Variants in ACTR3C observed in about 807,000 individuals in gnomAD.
ACTR3C encodes the protein actin related protein 3C, also known as actin-related protein 3C.
A neutral mutation model predicts 26.3 loss-of-function variants in ACTR3C; 18 were observed. That is an observed-to-expected ratio of 0.68 (90% CI 0.47 to 1.01). ACTR3C has a LOEUF of 1.01. Among genes scored for constraint, ACTR3C ranks in the 50% least tolerant of loss-of-function variants. ACTR3C has a pLI of 0.00. For missense variants in ACTR3C, 184 were observed against 250.7 expected, an observed-to-expected ratio of 0.73 and a Z score of 1.80; for synonymous variants, 55 against 94.5, an observed-to-expected ratio of 0.58 and a Z score of 2.42.
At chr7:150,195,753 C>G in the ACTR3C span, among the ~76,000 whole-genome samples, 1 of 152,166 alleles carries the variant, frequency 6.6e-6, no homozygotes, top group African/African-American at 2.4e-5. Flanking sequence ...GTGGCACATG[C>G]CTGTAATAGC....
chr7:150,033,734 G>A, the ACTR3C span, among the ~76,000 whole-genome samples: 6 of 151,054 alleles, frequency 4.0e-5, no homozygotes, highest in Non-Finnish European at 8.9e-5. Context: ...AGAGGGGATA[G>A]CTCTCAGTCC....
chr7:150,179,471 T>C, the ACTR3C span, among the ~76,000 whole-genome samples: 4 of 146,990 alleles, frequency 2.7e-5, no homozygotes, highest in Admixed American at 6.7e-5. Flanking sequence ...AATGCCTACA[T>C]AAACCACAGT....
the ACTR3C span, among the ~76,000 whole-genome samples, chr7:150,175,096 C>G: frequency 7.1e-6 from 1 of 140,958 alleles, no homozygotes; most frequent in Admixed American, 6.7e-5. Flanking sequence ...GTGAAAGAAA[C>G]AAATAATGAA....
At chr7:150,212,783 C>T in the ACTR3C span, among the ~76,000 whole-genome samples, 23 of 152,084 alleles carry the variant, frequency 1.5e-4, 1 homozygote, top group African/African-American at 2.4e-5. Context: ...CCCTTCACTG[C>T]GTGCTCAGAT....
At chr7:150,211,135 G>C in the ACTR3C span, among the ~76,000 whole-genome samples, 1 of 148,626 alleles carries the variant, frequency 6.7e-6, no homozygotes, top group Non-Finnish European at 1.5e-5. Flanking sequence ...TAAAGGACTT[G>C]CTGGAGGTCA....
chr7:150,127,141 C>G, the ACTR3C span, among the ~76,000 whole-genome samples: 18 of 4,016 alleles, frequency 4.5e-3, no homozygotes, highest in Middle Eastern at 0.1. Context: ...TACCATTAGA[C>G]ACACACACAC....
At chr7:149,926,510 A>C in the ACTR3C span, among the ~76,000 whole-genome samples, 1 of 152,228 alleles carries the variant, frequency 6.6e-6, no homozygotes, top group Non-Finnish European at 1.5e-5. Context: ...CTGCATGACA[A>C]GTCCCCAGTG....
the ACTR3C span, among the ~76,000 whole-genome samples, chr7:150,042,261 GT>G: frequency 9.3e-5 from 3 of 32,354 alleles, no homozygotes; most frequent in African/African-American, 1.5e-4. Context: ...CACCCTTGCG[GT>G]GGGTGCCTCC....
the ACTR3C span, among the ~76,000 whole-genome samples, chr7:150,146,303 T>C: frequency 6.6e-6 from 1 of 152,320 alleles, no homozygotes; most frequent in East Asian, 1.9e-4. Context: ...TGGACAGCTC[T>C]GTACGCCCAG....
chr7:150,288,067 C>T (rs746182648), intron 4 of ACTR3C, among the ~76,000 whole-genome samples: 10 of 144,956 alleles, frequency 6.9e-5, no homozygotes, highest in Admixed American at 1.3e-4. Context: ...CTCTAAACCA[C>T]GCCTTTCAGG....
At chr7:150,024,543 C>T in the ACTR3C span, among the ~76,000 whole-genome samples, 4 of 149,760 alleles carry the variant, frequency 2.7e-5, no homozygotes. Context: ...CCACCAGGGA[C>T]ATCAAGCCCA....
chr7:149,891,235 A>C, the ACTR3C span: 1 of 1,305,948 alleles, frequency 7.7e-7, no homozygotes, highest in Non-Finnish European at 1.1e-6. Flanking sequence ...AGATATTTAA[A>C]AACCACTTGC....
At chr7:150,105,391 C>T in the ACTR3C span, among the ~76,000 whole-genome samples, 1 of 152,000 alleles carries the variant, frequency 6.6e-6, no homozygotes. Context: ...CTCTTCATTC[C>T]TTCTTAAAGG....
At chr7:149,972,295 A>T in the ACTR3C span, among the ~76,000 whole-genome samples, 8 of 152,254 alleles carry the variant, frequency 5.3e-5, no homozygotes, top group Non-Finnish European at 1.2e-4. Flanking sequence ...CAAATCCATC[A>T]GGAAATTCTA....
chr7:149,900,022 A>G, the ACTR3C span, among the ~76,000 whole-genome samples: 2 of 133,490 alleles, frequency 1.5e-5, no homozygotes, highest in African/African-American at 5.4e-5. Flanking sequence ...CCAGAATTCT[A>G]TGTTCAGCAA....
chr7:150,089,746 A>C, the ACTR3C span, among the ~76,000 whole-genome samples: 4 of 152,270 alleles, frequency 2.6e-5, no homozygotes, highest in Non-Finnish European at 5.9e-5. Context: ...GATGGGGGCC[A>C]GATGAACCAG....
the ACTR3C span, among the ~76,000 whole-genome samples, chr7:150,228,627 C>T: frequency 2.0e-5 from 3 of 152,010 alleles, no homozygotes; most frequent in Admixed American, 1.3e-4. Flanking sequence ...TACAGGTGGC[C>T]TCTAGAAGTT....
the ACTR3C span, among the ~76,000 whole-genome samples, chr7:150,230,386 C>T: frequency 1.7e-3 from 258 of 152,274 alleles, no homozygotes; most frequent in African/African-American, 6.0e-3. Context: ...GTCTATTTCA[C>T]GGAATTGGTG....
the ACTR3C span, among the ~76,000 whole-genome samples, chr7:150,173,481 C>A: frequency 6.8e-6 from 1 of 147,744 alleles, no homozygotes; most frequent in Non-Finnish European, 1.5e-5. Context: ...GGTCTCTGGG[C>A]CTGTGATGGG....
Sources: gnomAD v4.1 joint callset for allele counts (sites outside exome capture counted in the v4.1 genomes callset) on GRCh38, gnomAD v4.1.1 for gene constraint, MANE v1.5 for transcripts, NCBI Gene and HGNC (gene_info 2026-07-23, HGNC 2026-07-21) for gene names.